The following FBXW4 variants were observed in gnomAD, a reference collection of about 807,000 sequenced individuals.
FBXW4 encodes the protein F-box/WD repeat-containing protein 4.
In FBXW4, 40 loss-of-function variants were observed where a neutral mutation model predicts 61.8. The ratio of observed to expected loss-of-function variants is 0.65; its 90% CI spans 0.50 to 0.84. FBXW4 has a LOEUF of 0.84. FBXW4 is among the 40% of genes least tolerant of loss of function. FBXW4 has a pLI of 0.00. For missense variants in FBXW4, 672 were observed against 753.8 expected (o/e 0.89, Z 1.27); for synonymous variants, 311 against 313.8 (o/e 0.99, Z 0.10).
chr10:101,628,788 T>A (rs2063927309), intron 5 of FBXW4, among the ~76,000 whole-genome samples: 1 of 152,170 alleles, frequency 6.6e-6, no homozygotes, highest in African/African-American at 2.4e-5. Flanking sequence ...CAAGTACACA[T>A]ATCCCCTCTT....
In FBXW4 at chr10:101,680,344, T is replaced by A. The variant is rs184232718; in HGVS notation, c.726-3908A>T. ...ATTGAAGCAATAGAAATGTATCAATTATAAAGTATTTGAGTTTAATGCTAT... is the reference window on the plus strand; with the variant it reads ...ATTGAAGCAATAGAAATGTATCAATAATAAAGTATTTGAGTTTAATGCTAT... On this transcript the variant is annotated intron_variant, in intron 1 of 8. Coordinates refer to ENST00000331272, the MANE Select transcript of FBXW4 (RefSeq NM_022039.4). Among the ~76,000 whole-genome samples the A allele has an allele frequency of 1.4e-3, 209 of 152,300 alleles. 1 individual carries two copies. Among genetic ancestry groups the A allele is most frequent in the Admixed American group, 2.8e-3 (43 of 15,306 alleles).
chr10:101,683,325 G>T (rs1233748882), intron 1 of FBXW4, among the ~76,000 whole-genome samples: 1 of 152,238 alleles, frequency 6.6e-6, no homozygotes, highest in East Asian at 1.9e-4. Context: ...GGCCCCGTGG[G>T]CCTGGCTGAA....
At chr10:101,659,724 T>C (rs934486236) in intron 5 of FBXW4, among the ~76,000 whole-genome samples, 11 of 152,192 alleles carry the variant, frequency 7.2e-5, no homozygotes, top group South Asian at 6.2e-4. Context: ...TCTGGGAGAA[T>C]AGCTTTATCA....
At chr10:101,658,654 T>C (rs529797865) in intron 5 of FBXW4, among the ~76,000 whole-genome samples, 8 of 152,256 alleles carry the variant, frequency 5.3e-5, no homozygotes, top group Admixed American at 3.9e-4. Flanking sequence ...AGCCACCTAA[T>C]TGCAGGAGGA....
At chr10:101,628,847 C>T (rs1464920753) in intron 5 of FBXW4, among the ~76,000 whole-genome samples, 1 of 152,186 alleles carries the variant, frequency 6.6e-6, no homozygotes, top group African/African-American at 2.4e-5. Flanking sequence ...CTTTTTGGAA[C>T]AGAAAGCCCT....
chr10:101,668,985 A>G (rs745600384), intron 4 of FBXW4, among the ~76,000 whole-genome samples: 21 of 152,248 alleles, frequency 1.4e-4, no homozygotes, highest in Non-Finnish European at 2.9e-4. Context: ...AGGACCTTAG[A>G]TGGAAGAACT....
In FBXW4 at chr10:101,633,469, G is replaced by A. The variant is rs2063975372; in HGVS notation, c.1236-8659C>T. Among the ~76,000 whole-genome samples the A allele has an allele frequency of 2.0e-5, 3 of 152,232 alleles. No individual in the cohort carries two copies. The South Asian group carries it at 6.2e-4, about 32-fold the overall frequency. ...TTAGGGGGTAGTGGGTTAGGGGAGG[G>A]ATAGCATTAGGAGAAATACCTAATG... On this transcript the variant is annotated intron_variant, in intron 5 of 8. Transcript: ENST00000331272.
chr10:101,659,277 T>C, intron 5 of FBXW4: 22 of 572,952 alleles, frequency 3.8e-5, no homozygotes, highest in Non-Finnish European at 4.9e-5. Flanking sequence ...CAAGGTTACC[T>C]GGCATAGAAG....
At chr10:101,689,574 C>A (rs2064570728) in intron 1 of FBXW4, among the ~76,000 whole-genome samples, 2 of 152,184 alleles carry the variant, frequency 1.3e-5, no homozygotes, top group African/African-American at 4.8e-5. Context: ...GACTGTCCTC[C>A]CTGGGTAAGG....
At chr10:101,653,014 T>C (rs369639920) in intron 5 of FBXW4, among the ~76,000 whole-genome samples, 1 of 152,294 alleles carries the variant, frequency 6.6e-6, no homozygotes, top group South Asian at 2.1e-4. Flanking sequence ...ACGTGTGAGT[T>C]CCAGGCAACC....
rs1049037999 is a variant in FBXW4, at chr10:101,632,409, C to T, written c.1236-7599G>A. Among the ~76,000 whole-genome samples the T allele has an allele frequency of 2.0e-4, 30 of 152,178 alleles. 1 individual carries two copies. Among genetic ancestry groups the T allele is most frequent in the South Asian group, 6.2e-4 (3 of 4,816 alleles). On this transcript the variant is annotated intron_variant, in intron 5 of 8. Transcript: ENST00000331272. ...TCTGCGGAGGAGTGCATTCCTACAG[C>T]CAGAGAATGCCTACAGAGAAACACA...
intron 1 of FBXW4, among the ~76,000 whole-genome samples, chr10:101,683,708 C>T (rs2064502944): frequency 6.6e-6 from 1 of 152,234 alleles, no homozygotes; most frequent in Non-Finnish European, 1.5e-5. Context: ...TCTCTGAGAT[C>T]AGAAAACTCC....
chr10:101,630,245 T>C (rs932732825), intron 5 of FBXW4, among the ~76,000 whole-genome samples: 2 of 152,202 alleles, frequency 1.3e-5, no homozygotes, highest in East Asian at 3.8e-4. Flanking sequence ...TATTACTCTC[T>C]ATTACTCCAA....
intron 1 of FBXW4, among the ~76,000 whole-genome samples, chr10:101,693,345 C>T (rs2064632089): frequency 1.3e-5 from 2 of 152,090 alleles, no homozygotes; most frequent in African/African-American, 2.4e-5. Flanking sequence ...CTCAAAAATG[C>T]ATTATTTCAT....
intron 2 of FBXW4, among the ~76,000 whole-genome samples, chr10:101,675,069 G>GA (rs1408482947): frequency 1.3e-5 from 2 of 152,306 alleles, no homozygotes; most frequent in African/African-American, 4.8e-5. Context: ...TGGGAATGTG[G>GA]AAAAGTTCTG....
At position 101,612,334 on chromosome 10, in the gene FBXW4, C is replaced by A; in HGVS notation, c.1442+3G>T. On this transcript the variant is annotated splice_donor_region_variant and intron_variant, in intron 7 of 8. Transcript: ENST00000331272. Reference sequence around the variant, plus strand: ...ACCTGTCCTCCCTGCCCAGCACACTCACCGGACGCTGGTGCGGAGGTCCCA... The same window carrying A: ...ACCTGTCCTCCCTGCCCAGCACACTAACCGGACGCTGGTGCGGAGGTCCCA... The A allele has an allele frequency of 6.4e-7, 1 of 1,558,982 alleles. No homozygotes were observed. The highest frequency in any genetic ancestry group is 8.7e-7 in the Non-Finnish European group (1 of 1,149,098).
chr10:101,636,330 C>T (rs998580407), intron 5 of FBXW4, among the ~76,000 whole-genome samples: 2 of 151,282 alleles, frequency 1.3e-5, no homozygotes, highest in Middle Eastern at 3.4e-3. Flanking sequence ...TGCACTCCAG[C>T]CTGGGTGAGA....
chr10:101,657,036 C>T (rs1280079095), intron 5 of FBXW4, among the ~76,000 whole-genome samples: 3 of 152,142 alleles, frequency 2.0e-5, no homozygotes, highest in Admixed American at 2.0e-4. Flanking sequence ...ATTCCCTTTG[C>T]AATTACCATG....
intron 7 of FBXW4, 26 bp downstream of exon 7, chr10:101,612,311 C>A: frequency 6.6e-7 from 1 of 1,514,414 alleles, no homozygotes; most frequent in Non-Finnish European, 8.9e-7. Flanking sequence ...CCCCCACCAC[C>A]TGTCCTCCCT....
Sources: allele counts gnomAD v4.1 joint callset (sites outside exome capture counted in the v4.1 genomes callset), GRCh38; gene constraint gnomAD v4.1.1; transcripts MANE v1.5; gene names NCBI Gene and HGNC (gene_info 2026-07-23, HGNC 2026-07-21).